PLEKHH2: variants seen among roughly 807,000 people sequenced by gnomAD.
The protein encoded by PLEKHH2 is pleckstrin homology domain-containing family H member 2.
PLEKHH2 carries 129 observed loss-of-function variants against 187.9 expected under a neutral mutation model. That is an observed-to-expected ratio of 0.69 (90% CI 0.59 to 0.79). The LOEUF is 0.79. Among genes scored for constraint, PLEKHH2 ranks in the 30% least tolerant of loss-of-function variants. The pLI is 0.00. For synonymous variants in PLEKHH2, 686 were observed against 605.6 expected (o/e 1.13, Z -1.95); for missense variants, 2,076 against 1,751.2 (o/e 1.19, Z -3.31).
At chr2:43,672,137 A>T (rs1050526224) in intron 2 of PLEKHH2, among the ~76,000 whole-genome samples, 1 of 152,144 alleles carries the variant, frequency 6.6e-6, no homozygotes, top group African/African-American at 2.4e-5. Context: ...TTCTTAAATG[A>T]GCTTTGCTAT....
chr2:43,678,943 T>C lies in PLEKHH2; in HGVS notation c.186+18T>C, dbSNP rs891052401. 2 of 1,583,068 alleles carry C rather than the reference T, an allele frequency of 1.3e-6. No homozygotes were observed. The highest frequency in any genetic ancestry group is 2.7e-5 in the African/African-American group (2 of 74,226). On this transcript the variant is annotated intron_variant, in intron 3 of 29. Coordinates refer to ENST00000282406, the MANE Select transcript of PLEKHH2 (RefSeq NM_172069.4). The stretch of plus-strand genomic sequence containing the variant: ...TTCAACAGGTAGAGTATAATTTTAC[T>C]TTAAATTTTTTTTGCCTGTACTACT...
intron 2 of PLEKHH2, among the ~76,000 whole-genome samples, chr2:43,667,011 T>C (rs1184907447): frequency 1.3e-5 from 2 of 152,214 alleles, no homozygotes; most frequent in African/African-American, 4.8e-5. Context: ...AAACAGACAC[T>C]TAAAATGGGT....
chr2:43,704,662 TAAA>T (rs70965318), intron 9 of PLEKHH2, among the ~76,000 whole-genome samples: 1 of 84,288 alleles, frequency 1.2e-5, no homozygotes, highest in Non-Finnish European at 2.2e-5. Context: ...GATTCTGTCT[TAAA>T]AAAAAAAAAA....
At chr2:43,740,763 C>T (rs1671526631) in intron 20 of PLEKHH2, 183 bp from the exon 21 acceptor site, 4 of 1,113,056 alleles carry the variant, frequency 3.6e-6, no homozygotes, top group Middle Eastern at 6.8e-4. Context: ...GATCATAGAT[C>T]TGACCCAATG....
At chr2:43,711,687 C>G (rs562949918) in intron 14 of PLEKHH2, 1 of 569,258 alleles carries the variant, frequency 1.8e-6, no homozygotes, top group Non-Finnish European at 2.2e-6. Context: ...GTCAGGAGAT[C>G]GAGACCATCC....
chr2:43,653,799 G>A (rs1574481251), intron 2 of PLEKHH2, among the ~76,000 whole-genome samples: 1 of 152,112 alleles, frequency 6.6e-6, no homozygotes, highest in East Asian at 1.9e-4. Flanking sequence ...TCATTCATGA[G>A]AAGCTGAATA....
At chr2:43,647,318 T>G (rs2104335468) in intron 2 of PLEKHH2, among the ~76,000 whole-genome samples, 1 of 152,356 alleles carries the variant, frequency 6.6e-6, no homozygotes, top group South Asian at 2.1e-4. Context: ...AAGAGGAAAC[T>G]TAGGCATAGA....
rs1231832748 is a variant in PLEKHH2 at position 43,710,053 on chromosome 2, C to G, written c.2030C>G (p.Thr677Arg). Reference protein sequence around the residue: ...DYAIPPDAYSTDTEYSQPEQK... With the variant: ...DYAIPPDAYSRDTEYSQPEQK... ...GCTATTCCTCCTGATGCTTACTCCA[C>G]AGACACGGAGTACTCACAGCCAGAG... Residue 677 changes from threonine to arginine, a missense_variant, in exon 12 of 30, where the codon ACA (threonine) becomes AGA (arginine). Thr to Arg is a moderately conservative substitution (Grantham distance 71). Transcript: ENST00000282406. 1 of 1,612,238 alleles carries G rather than the reference C, an allele frequency of 6.2e-7. No homozygotes were observed. Among genetic ancestry groups the G allele is most frequent in the Non-Finnish European group, 8.5e-7 (1 of 1,178,302 alleles).
chr2:43,748,832 C>T (rs966655248), intron 24 of PLEKHH2, among the ~76,000 whole-genome samples: 3 of 152,188 alleles, frequency 2.0e-5, no homozygotes, highest in Admixed American at 6.5e-5. Context: ...TCTCAGCTTA[C>T]TGCAACCTTT....
chr2:43,640,182 T>C (rs1299716232), intron 1 of PLEKHH2, among the ~76,000 whole-genome samples: 1 of 150,864 alleles, frequency 6.6e-6, no homozygotes, highest in African/African-American at 2.4e-5. Flanking sequence ...ATAAAGTTAC[T>C]CCAATAACTT....
intron 24 of PLEKHH2, among the ~76,000 whole-genome samples, chr2:43,746,925 G>A (rs1231306438): frequency 3.3e-5 from 5 of 150,394 alleles, no homozygotes; most frequent in East Asian, 2.0e-4. Flanking sequence ...AGCCAAGATC[G>A]CACCACTGCA....
chr2:43,741,069 C>T (rs1384818891), intron 21 of PLEKHH2, 26 bp downstream of exon 21: 3 of 1,572,966 alleles, frequency 1.9e-6, no homozygotes, highest in South Asian at 1.1e-5. Flanking sequence ...GCCAGCTGAA[C>T]TGTTTATGTG....
intron 2 of PLEKHH2, among the ~76,000 whole-genome samples, chr2:43,673,123 C>T (rs1260398935): frequency 1.3e-5 from 2 of 152,032 alleles, no homozygotes. Flanking sequence ...ATAATGGACC[C>T]TCCTGTACAC....
intron 27 of PLEKHH2, among the ~76,000 whole-genome samples, chr2:43,761,719 A>G (rs1672437704): frequency 6.6e-6 from 1 of 152,134 alleles, no homozygotes; most frequent in Admixed American, 6.5e-5. Flanking sequence ...TCAATTTCGT[A>G]GCTTTTACAA....
intron 3 of PLEKHH2, among the ~76,000 whole-genome samples, chr2:43,685,218 G>T (rs993439834): frequency 1.6e-4 from 25 of 152,126 alleles, no homozygotes; most frequent in African/African-American, 5.8e-4. Flanking sequence ...TAACCAAAAA[G>T]GAATATTTTG....
chr2:43,720,487 A>T lies in PLEKHH2; in HGVS notation c.2461-182A>T, dbSNP rs148545647. On this transcript the variant is annotated intron_variant, in intron 15 of 29. Coordinates refer to ENST00000282406, the MANE Select transcript of PLEKHH2 (RefSeq NM_172069.4). ...CACAGTGTCTATTGTTTCCCTATTTATGTCCATGTGTGCTCAATGTGTGAC... is the reference window on the plus strand; with the variant it reads ...CACAGTGTCTATTGTTTCCCTATTTTTGTCCATGTGTGCTCAATGTGTGAC... Among the ~76,000 whole-genome samples, 368 of 152,180 alleles carry T rather than the reference A, an allele frequency of 2.4e-3. 1 individual carries two copies. Among genetic ancestry groups the T allele is most frequent in the African/African-American group, 8.4e-3 (349 of 41,520 alleles).
At chr2:43,727,270 G>T (rs1017422092) in intron 17 of PLEKHH2, among the ~76,000 whole-genome samples, 1 of 152,080 alleles carries the variant, frequency 6.6e-6, no homozygotes, top group African/African-American at 2.4e-5. Flanking sequence ...AAATTAGCCA[G>T]GCGAGGTGGC....
intron 16 of PLEKHH2, among the ~76,000 whole-genome samples, chr2:43,722,911 T>A (rs982567242): frequency 4.6e-5 from 7 of 152,204 alleles, no homozygotes; most frequent in African/African-American, 1.7e-4. Flanking sequence ...TGAGAATATA[T>A]GTGAATCATT....
chr2:43,719,913 G>A (rs1478940240), intron 15 of PLEKHH2, among the ~76,000 whole-genome samples: 1 of 152,148 alleles, frequency 6.6e-6, no homozygotes, highest in African/African-American at 2.4e-5. Flanking sequence ...ACATTAGAGT[G>A]TTAACCTAGA....
Sources: allele counts gnomAD v4.1 joint callset (sites outside exome capture counted in the v4.1 genomes callset), GRCh38; gene constraint gnomAD v4.1.1; transcripts MANE v1.5; gene names NCBI Gene and HGNC (gene_info 2026-07-23, HGNC 2026-07-21).